ATAD2B: variants seen among roughly 807,000 people sequenced by gnomAD.
The protein encoded by ATAD2B is ATPase family AAA domain-containing protein 2B.
In ATAD2B, 40 loss-of-function variants were observed where a neutral mutation model predicts 167.6. The observed-to-expected ratio is 0.24, with a 90% CI of 0.19 to 0.31. ATAD2B has a LOEUF of 0.31. Ranked by LOEUF, ATAD2B falls within the 10% of genes least tolerant of loss-of-function variation. ATAD2B has a pLI of 1.00. For synonymous variants in ATAD2B, 579 were observed against 596.5 expected, an observed-to-expected ratio of 0.97 and a Z score of 0.43; for missense variants, 1,242 against 1,757.2, an observed-to-expected ratio of 0.71 and a Z score of 5.24.
Position 23,895,861 on chromosome 2 carries a change from G to A in ATAD2B, c.326C>T (p.Thr109Ile). The A allele has an allele frequency of 6.2e-7, 1 of 1,613,058 alleles. No individual in the cohort carries two copies. Among genetic ancestry groups the A allele is most frequent in the Non-Finnish European group, 8.5e-7 (1 of 1,179,364 alleles). ...TAAGTTCCATTCCTCTCGCTGACCA[G>A]TACTTCGTGATTTTGATTTGTCTTT... ...VCKDKSKSRS[T>I]GQREEWNLST... is the part of the protein sequence containing the mutation. The change falls in exon 2 of 28, where the codon ACT becomes ATT. Residue 109 changes from threonine (T) to isoleucine (I), a missense_variant. Coordinates refer to ENST00000238789, the MANE Select transcript of ATAD2B (RefSeq NM_017552.4).
At chr2:23,746,717 T>TAA (rs1174933471), downstream of ATAD2B, among the ~76,000 whole-genome samples, 1 of 152,124 alleles carries the variant, frequency 6.6e-6, no homozygotes, top group African/African-American at 2.4e-5. Flanking sequence ...ATAAAGAAGA[T>TAA]AAAGTTCAGG....
chr2:23,872,925 C>G, intron 8 of ATAD2B: 1 of 766,940 alleles, frequency 1.3e-6, no homozygotes, highest in Non-Finnish European at 2.4e-6. Context: ...CCGCCGGGCT[C>G]ACATTGGCAT....
At chr2:23,738,960 T>C in the ATAD2B span, among the ~76,000 whole-genome samples, 306 of 152,264 alleles carry the variant, frequency 2.0e-3, 8 homozygotes, top group East Asian at 0.052. Context: ...AGAAGGCCAT[T>C]ACATAATGAT....
chr2:23,827,302 TAAG>T (rs1418286187), intron 15 of ATAD2B, among the ~76,000 whole-genome samples: 5 of 152,072 alleles, frequency 3.3e-5, no homozygotes. Flanking sequence ...TTTTAAAACT[TAAG>T]AAACTGCCTA....
intron 11 of ATAD2B, 131 bp downstream of exon 11, chr2:23,864,678 A>G (rs1573113099): frequency 6.4e-6 from 3 of 471,404 alleles, no homozygotes; most frequent in Non-Finnish European, 1.1e-5. Context: ...ATAACATTTC[A>G]TTTCTAACTG....
At chr2:23,716,724 C>T in the ATAD2B span, among the ~76,000 whole-genome samples, 1 of 152,196 alleles carries the variant, frequency 6.6e-6, no homozygotes. Context: ...GCAATCCTAA[C>T]TTAATTCACC....
At chr2:23,874,999 C>T (rs1293867432) in intron 8 of ATAD2B, among the ~76,000 whole-genome samples, 8 of 146,306 alleles carry the variant, frequency 5.5e-5, no homozygotes, top group African/African-American at 2.0e-4. Flanking sequence ...GAGCTTGCAG[C>T]GACCCAAGAT....
intron 22 of ATAD2B, among the ~76,000 whole-genome samples, chr2:23,775,634 T>A (rs903556971): frequency 1.3e-5 from 2 of 152,206 alleles, no homozygotes; most frequent in African/African-American, 2.4e-5. Flanking sequence ...ATGTAAATAC[T>A]CCCAGTAGAG....
chr2:23,734,388 G>C, the ATAD2B span, among the ~76,000 whole-genome samples: 2 of 152,120 alleles, frequency 1.3e-5, no homozygotes, highest in African/African-American at 4.8e-5. Flanking sequence ...TCGAACTCCT[G>C]ACCTCAAGTG....
intron 18 of ATAD2B, among the ~76,000 whole-genome samples, chr2:23,803,666 G>C (rs1433323154): frequency 6.6e-6 from 1 of 152,188 alleles, no homozygotes; most frequent in Non-Finnish European, 1.5e-5. Flanking sequence ...TTAATCAATA[G>C]CTGAATCCGT....
chr2:23,744,293 T>TC (rs1674682565), downstream of ATAD2B, among the ~76,000 whole-genome samples: 1 of 152,054 alleles, frequency 6.6e-6, no homozygotes, highest in Non-Finnish European at 1.5e-5. Context: ...TTTTTTTTTT[T>TC]TTTTGGAGAA....
intron 17 of ATAD2B, among the ~76,000 whole-genome samples, chr2:23,817,316 A>G (rs1411738498): frequency 6.6e-6 from 1 of 152,228 alleles, no homozygotes; most frequent in Non-Finnish European, 1.5e-5. Flanking sequence ...CACTTTCCTC[A>G]TCTATAAAAT....
chr2:23,882,076 C>T (rs1349702283), intron 6 of ATAD2B, among the ~76,000 whole-genome samples: 1 of 152,082 alleles, frequency 6.6e-6, no homozygotes, highest in Non-Finnish European at 1.5e-5. Context: ...AAATAAGAGT[C>T]TAGCTGGACG....
At chr2:23,722,503 C>T in the ATAD2B span, among the ~76,000 whole-genome samples, 31 of 152,016 alleles carry the variant, frequency 2.0e-4, no homozygotes, top group Admixed American at 1.8e-3. Flanking sequence ...TTTCTGAACT[C>T]GAAGACAGGT....
the ATAD2B span, among the ~76,000 whole-genome samples, chr2:23,711,386 GAC>G: frequency 1.2e-5 from 1 of 86,944 alleles, no homozygotes; most frequent in Non-Finnish European, 2.0e-5. Context: ...TTTTTTTGGA[GAC>G]AGAGTCTCAC....
intron 18 of ATAD2B, among the ~76,000 whole-genome samples, chr2:23,807,507 C>G (rs1360926444): frequency 1.3e-5 from 2 of 152,090 alleles, no homozygotes; most frequent in African/African-American, 4.8e-5. Context: ...TAGTTTCAGA[C>G]AACCAAATTT....
intron 11 of ATAD2B, 38 bp downstream of exon 11, chr2:23,864,771 C>T (rs1301183828): frequency 1.1e-6 from 1 of 923,826 alleles, no homozygotes; most frequent in Middle Eastern, 2.3e-4. Flanking sequence ...GAGAAAGTAA[C>T]AGTAATAACA....
chr2:23,843,605 C>A (rs936638010), intron 13 of ATAD2B, among the ~76,000 whole-genome samples: 1 of 152,106 alleles, frequency 6.6e-6, no homozygotes, highest in African/African-American at 2.4e-5. Flanking sequence ...CTAGAGTCTA[C>A]AGGAAAAAGT....
chr2:23,853,496 A>C (rs909229829), intron 13 of ATAD2B, among the ~76,000 whole-genome samples: 2 of 152,236 alleles, frequency 1.3e-5, no homozygotes, highest in African/African-American at 4.8e-5. Flanking sequence ...TTAGGGATGC[A>C]TTAAACAAAA....
Sources: allele counts gnomAD v4.1 joint callset (sites outside exome capture counted in the v4.1 genomes callset), GRCh38; gene constraint gnomAD v4.1.1; transcripts MANE v1.5; gene names NCBI Gene and HGNC (gene_info 2026-07-23, HGNC 2026-07-21).